PDS5A: variants seen among roughly 807,000 people sequenced by gnomAD.
PDS5A encodes sister chromatid cohesion protein PDS5 homolog A.
A neutral mutation model predicts 167.1 loss-of-function variants in PDS5A; 42 were observed. That is an observed-to-expected ratio of 0.25 (90% CI 0.20 to 0.33). PDS5A has a LOEUF of 0.33. Ranked by LOEUF, PDS5A falls within the 10% of genes least tolerant of loss-of-function variation. The pLI, the probability that PDS5A is intolerant of heterozygous loss-of-function variation, is 1.00. For missense variants in PDS5A, 1,033 were observed against 1,605.9 expected (o/e 0.64, Z 6.10); for synonymous variants, 553 against 554.6 (o/e 1.00, Z 0.04).
chr4:39,888,033 C>T (rs375287262), intron 17 of PDS5A, among the ~76,000 whole-genome samples: 8 of 152,098 alleles, frequency 5.3e-5, no homozygotes, highest in African/African-American at 1.7e-4. Context: ...GGGCAGATCA[C>T]GAGGTCAAGA....
At chr4:39,929,519 C>CTCTCTATATATA (rs1346928018) in intron 2 of PDS5A, among the ~76,000 whole-genome samples, 5 of 79,398 alleles carry the variant, frequency 6.3e-5, no homozygotes, top group African/African-American at 3.5e-4. Flanking sequence ...ACTTAATAAA[C>CTCTCTATATATA]TATATATATA....
At chr4:39,944,586 C>T (rs1032118046) in intron 2 of PDS5A, among the ~76,000 whole-genome samples, 1 of 149,736 alleles carries the variant, frequency 6.7e-6, no homozygotes, top group Admixed American at 6.7e-5. Context: ...ACCAGCTACT[C>T]GGGAGGCTGA....
chr4:39,835,958 G>A lies in PDS5A; in HGVS notation c.4010+1898C>T, dbSNP rs547869983. 1.2e-4 allele frequency among the ~76,000 whole-genome samples: 19 copies of A among 152,292 alleles called. No homozygotes were observed. In the South Asian group the frequency reaches 3.9e-3, roughly 32 times the overall value. On this transcript the variant is annotated intron_variant, in intron 32 of 32. Coordinates refer to ENST00000303538, the MANE Select transcript of PDS5A (RefSeq NM_001100399.2). Reference sequence around the variant, plus strand: ...AGGTGAAGAATAGGACAGATCTCTTGAAACCGTTCAGAGAATTTTGGCAAT... The same window carrying A: ...AGGTGAAGAATAGGACAGATCTCTTAAAACCGTTCAGAGAATTTTGGCAAT...
At chr4:39,877,229 G>T in intron 18 of PDS5A, 76 bp from the exon 19 acceptor site, 1 of 834,062 alleles carries the variant, frequency 1.2e-6, no homozygotes, top group Non-Finnish European at 1.8e-6. Context: ...TCCCGCAAAA[G>T]AAAAAAAAAA....
At chr4:39,882,621 C>T (rs1484240234) in intron 17 of PDS5A, among the ~76,000 whole-genome samples, 1 of 152,182 alleles carries the variant, frequency 6.6e-6, no homozygotes, top group Non-Finnish European at 1.5e-5. Flanking sequence ...TTATTAACTA[C>T]CTGTCATGTG....
chr4:39,898,108 T>A, intron 16 of PDS5A: 3 of 1,136,904 alleles, frequency 2.6e-6, no homozygotes, highest in Non-Finnish European at 2.2e-6. Flanking sequence ...CAGAAAATAC[T>A]TATCATTACT....
intron 2 of PDS5A, chr4:39,973,606 C>T: frequency 7.8e-7 from 1 of 1,280,852 alleles, no homozygotes; most frequent in Non-Finnish European, 1.1e-6. Flanking sequence ...TTTCTCCTTC[C>T]CGGAAGAAGC....
intron 2 of PDS5A, among the ~76,000 whole-genome samples, chr4:39,943,620 CA>C (rs67431661): frequency 0.51 from 56,045 of 110,170 alleles, 12,386 homozygotes; most frequent in Admixed American, 0.57. Flanking sequence ...CCCGTTTCTA[CA>C]AAAAAAAAAA....
chr4:39,832,855 T>A (rs1716031078), intron 32 of PDS5A, among the ~76,000 whole-genome samples: 1 of 151,834 alleles, frequency 6.6e-6, no homozygotes, highest in African/African-American at 2.4e-5. Flanking sequence ...GAGACTGGTC[T>A]CTCAAAAAAG....
intron 21 of PDS5A, 148 bp from the exon 22 acceptor site, chr4:39,869,610 G>C (rs1180781545): frequency 1.6e-6 from 1 of 633,958 alleles, no homozygotes; most frequent in African/African-American, 1.8e-5. Flanking sequence ...AAAGTTAGAA[G>C]ACTCATACTT....
Position 39,887,990 on chromosome 4 carries a change from G to A in PDS5A, c.1886+2259C>T, listed in dbSNP as rs912521435. 7.2e-5 allele frequency among the ~76,000 whole-genome samples: 11 copies of A among 152,176 alleles called. 1 individual carries two copies. The highest frequency in any genetic ancestry group is 2.1e-4 in the South Asian group (1 of 4,824). On this transcript the variant is annotated intron_variant, in intron 17 of 32. Transcript: ENST00000303538. ...AAACAGGCCAGGTGCAGTGGCTCAC[G>A]CCTGTAATCCCAGCACTTTGGGAGG... is the stretch of plus-strand genomic sequence containing the variant.
rs991566894 is a variant in PDS5A, at chr4:39,857,522, C to T, written c.3086+4697G>A. On this transcript the variant is annotated intron_variant, in intron 26 of 32. Transcript: ENST00000303538. ...ATATACAGCTATTTTGCAAAACTAA[C>T]TCCTTCCTTTTCAGTAATTACTTTT... is the stretch of plus-strand genomic sequence containing the variant. 3.9e-5 allele frequency among the ~76,000 whole-genome samples: 6 copies of T among 152,162 alleles called. No individual in the cohort carries two copies. The South Asian group carries it at 6.2e-4, about 16-fold the overall frequency.
At chr4:39,950,768 A>G (rs191509371) in intron 2 of PDS5A, among the ~76,000 whole-genome samples, 128 of 151,786 alleles carry the variant, frequency 8.4e-4, no homozygotes, top group Admixed American at 1.6e-3. Context: ...TTGTATTTTT[A>G]GTAGAGACAG....
chr4:39,941,758 T>C (rs1331380017), intron 2 of PDS5A, among the ~76,000 whole-genome samples: 3 of 152,184 alleles, frequency 2.0e-5, no homozygotes, highest in Non-Finnish European at 4.4e-5. Flanking sequence ...GGTAAATTCC[T>C]TTTAAGAAAA....
At chr4:39,922,366 T>C (rs1420991226) in intron 6 of PDS5A, among the ~76,000 whole-genome samples, 2 of 152,174 alleles carry the variant, frequency 1.3e-5, no homozygotes, top group Non-Finnish European at 2.9e-5. Flanking sequence ...AATTCTCAGA[T>C]TATTTGTGTG....
At position 39,837,976 on chromosome 4, in the gene PDS5A, T is replaced by C. The variant is rs745736268; in HGVS notation, c.3890A>G (p.Lys1297Arg). The C allele has an allele frequency of 6.2e-7, 1 of 1,614,024 alleles. No homozygotes were observed. Among genetic ancestry groups the C allele is most frequent in the Non-Finnish European group, 8.5e-7 (1 of 1,179,884 alleles). Residue 1297 changes from lysine (K) to arginine (R), a missense_variant, in exon 32 of 33, where the codon AAG (lysine) becomes AGG (arginine). Lys to Arg is a conservative substitution (Grantham distance 26). Coordinates refer to ENST00000303538, the MANE Select transcript of PDS5A (RefSeq NM_001100399.2). ...DLNKPINKGR[K>R]RAAVGQESPG... is the part of the protein sequence containing the mutation. The stretch of plus-strand genomic sequence containing the variant: ...GCTCTCCTGACCCACTGCAGCTCTC[T>C]TCCTTCCCTTGTTAATAGGTTTATT...
chr4:39,959,668 C>T (rs542509900), intron 2 of PDS5A, among the ~76,000 whole-genome samples: 8 of 152,202 alleles, frequency 5.3e-5, no homozygotes, highest in African/African-American at 9.6e-5. Flanking sequence ...AAAAACAACA[C>T]GTAAGGCCAG....
In PDS5A at chr4:39,926,690, C is replaced by A. The variant is rs190822396; in HGVS notation, c.429+85G>T. The A allele has an allele frequency of 4.7e-5, 43 of 920,164 alleles. No individual in the cohort carries two copies. In the Middle Eastern group the frequency reaches 1.4e-3, roughly 31 times the overall value. The allele number at this position is 920,164 out of a possible 1,614,324, so 57.0% of individuals were successfully genotyped here. On this transcript the variant is annotated intron_variant, in intron 4 of 32. Coordinates refer to ENST00000303538, the MANE Select transcript of PDS5A (RefSeq NM_001100399.2). ...TTATAGGCTTTGAATAAAATAAACA[C>A]TCATTTTACATTACAAAGTTAACAT...
chr4:39,898,573 A>C, intron 15 of PDS5A, 45 bp from the exon 16 acceptor site: 1 of 1,299,710 alleles, frequency 7.7e-7, no homozygotes, highest in Non-Finnish European at 1.0e-6. Context: ...GAAAAAAAAA[A>C]AACTATTCTA....
Sources: allele counts gnomAD v4.1 joint callset (sites outside exome capture counted in the v4.1 genomes callset), GRCh38; gene constraint gnomAD v4.1.1; transcripts MANE v1.5; gene names NCBI Gene and HGNC (gene_info 2026-07-23, HGNC 2026-07-21).